The following OR9Q1 variants were observed in gnomAD, a reference collection of about 807,000 sequenced individuals.
OR9Q1 encodes olfactory receptor 9Q1.
For missense variants in OR9Q1, 374 were observed against 378.8 expected (o/e 0.99, Z 0.11); for synonymous variants, 153 against 148.6 (o/e 1.03, Z -0.22).
intron 1 of OR9Q1, among the ~76,000 whole-genome samples, chr11:58,048,662 T>G (rs1853244712): frequency 9.9e-6 from 1 of 100,678 alleles, no homozygotes; most frequent in South Asian, 4.2e-4. Flanking sequence ...GAGCAAGGAC[T>G]CCATCTTAAA....
chr11:58,056,607 A>G (rs954870057), intron 2 of OR9Q1, among the ~76,000 whole-genome samples: 2 of 152,218 alleles, frequency 1.3e-5, no homozygotes, highest in Non-Finnish European at 2.9e-5. Context: ...TGGATTTTCT[A>G]TGGCTGCATT....
At chr11:58,107,340 G>T (rs1427573973) in intron 2 of OR9Q1, among the ~76,000 whole-genome samples, 1 of 152,042 alleles carries the variant, frequency 6.6e-6, no homozygotes, top group Non-Finnish European at 1.5e-5. Flanking sequence ...TCAATTCCCA[G>T]TATGAGTGAG....
intron 1 of OR9Q1, 68 bp from the exon 2 acceptor site, chr11:58,055,800 TAA>T (rs56345647): frequency 6.2e-5 from 7 of 112,874 alleles, no homozygotes; most frequent in Admixed American, 1.0e-4. Flanking sequence ...ACTCTATCTC[TAA>T]AAAAAAAAAA....
chr11:58,031,701 C>A (rs756189270), intron 1 of OR9Q1: 1 of 1,613,758 alleles, frequency 6.2e-7, no homozygotes, highest in Non-Finnish European at 8.5e-7. Context: ...GCTCACCTGA[C>A]TGTGGTGAGC....
chr11:58,057,548 A>G (rs766877146), intron 2 of OR9Q1: 8 of 152,164 alleles, frequency 5.3e-5, no homozygotes, highest in South Asian at 2.1e-4. Context: ...TGAGCAGCCC[A>G]TGAAGAATGG....
In OR9Q1 at chr11:58,179,391, T is replaced by A; in HGVS notation, c.-14-40T>A. ...AACTACAAATACAGGTAAATCCTAT[T>A]TGCACCTTCCTAACTTGCTTCCCAT... On this transcript the variant is annotated intron_variant, in intron 2 of 2. Coordinates refer to ENST00000335397, the MANE Select transcript of OR9Q1 (RefSeq NM_001005212.4). The A allele has an allele frequency of 4.9e-6, 6 of 1,222,314 alleles. No homozygotes were observed. In the South Asian group the frequency reaches 8.7e-5, roughly 18 times the overall value. The allele number at this position is 1,222,314 out of a possible 1,614,324, so 75.7% of individuals were successfully genotyped here. A position where few individuals can be genotyped will look rare whatever the true frequency, so the allele number is the denominator to read the frequency against.
chr11:58,150,422 C>T (rs559296854), intron 2 of OR9Q1, among the ~76,000 whole-genome samples: 1 of 152,246 alleles, frequency 6.6e-6, no homozygotes, highest in Admixed American at 6.5e-5. Context: ...ATGATGAGAC[C>T]TTGCCTCTAC....
At chr11:58,116,528 G>T (rs1291787463) in intron 2 of OR9Q1, among the ~76,000 whole-genome samples, 1 of 152,154 alleles carries the variant, frequency 6.6e-6, no homozygotes, top group Admixed American at 6.5e-5. Context: ...CTAACTTAGT[G>T]AACTTATTAT....
At chr11:58,034,830 C>A (rs1449803998) in intron 1 of OR9Q1, among the ~76,000 whole-genome samples, 1 of 143,980 alleles carries the variant, frequency 6.9e-6, no homozygotes, top group East Asian at 2.0e-4. Context: ...TCCTTGCTTC[C>A]TTCCTTCATT....
intron 2 of OR9Q1, among the ~76,000 whole-genome samples, chr11:58,123,413 G>T (rs996953569): frequency 1.3e-5 from 2 of 152,066 alleles, no homozygotes; most frequent in Admixed American, 6.6e-5. Context: ...AATTCCTGGG[G>T]GTCTCTCTGA....
At chr11:58,109,072 A>G (rs1344299028) in intron 2 of OR9Q1, 1 of 474,372 alleles carries the variant, frequency 2.1e-6, no homozygotes, top group Non-Finnish European at 4.3e-6. Flanking sequence ...GAGAATGACA[A>G]TCTCAGTTTG....
intron 1 of OR9Q1, among the ~76,000 whole-genome samples, chr11:58,034,370 A>G (rs1298339144): frequency 6.6e-6 from 1 of 151,852 alleles, no homozygotes; most frequent in Non-Finnish European, 1.5e-5. Context: ...TACAGGCTTG[A>G]GCCACTGCAC....
At chr11:58,153,253 TC>T (rs1184979162) in intron 2 of OR9Q1, among the ~76,000 whole-genome samples, 1 of 152,218 alleles carries the variant, frequency 6.6e-6, no homozygotes, top group Non-Finnish European at 1.5e-5. Flanking sequence ...TGAAGAAATC[TC>T]TTCTTTTGTT....
At chr11:58,040,487 G>A (rs904560155) in intron 1 of OR9Q1, among the ~76,000 whole-genome samples, 8 of 152,200 alleles carry the variant, frequency 5.3e-5, no homozygotes, top group Admixed American at 4.6e-4. Flanking sequence ...TTTTGCATAA[G>A]TTGATTCATT....
chr11:58,144,078 A>G (rs937257591), intron 2 of OR9Q1, among the ~76,000 whole-genome samples: 3 of 151,876 alleles, frequency 2.0e-5, no homozygotes, highest in Non-Finnish European at 4.4e-5. Context: ...TGCACAATGT[A>G]CAGGTTTGTT....
At chr11:58,030,097 C>T (rs1853016054) in intron 1 of OR9Q1, among the ~76,000 whole-genome samples, 1 of 152,184 alleles carries the variant, frequency 6.6e-6, no homozygotes, top group Non-Finnish European at 1.5e-5. Context: ...CTGCCTTAGA[C>T]TCCCAAAGTG....
intron 1 of OR9Q1, among the ~76,000 whole-genome samples, chr11:58,046,688 C>A (rs1272835881): frequency 6.6e-6 from 1 of 151,950 alleles, no homozygotes; most frequent in Non-Finnish European, 1.5e-5. Flanking sequence ...ATGGTGAAAC[C>A]CCGTCTCTAC....
intron 2 of OR9Q1, among the ~76,000 whole-genome samples, chr11:58,067,808 C>T (rs1853443943): frequency 6.6e-6 from 1 of 152,208 alleles, no homozygotes; most frequent in African/African-American, 2.4e-5. Context: ...CTCGAGTCTC[C>T]TGGATCCTGC....
intron 2 of OR9Q1, among the ~76,000 whole-genome samples, chr11:58,159,601 G>A (rs61902804): frequency 6.6e-6 from 1 of 152,024 alleles, no homozygotes; most frequent in Non-Finnish European, 1.5e-5. Flanking sequence ...AAGGACATTG[G>A]CAGCACAGGG....
Sources: gnomAD v4.1 joint callset for allele counts (sites outside exome capture counted in the v4.1 genomes callset) on GRCh38, gnomAD v4.1.1 for gene constraint, MANE v1.5 for transcripts, NCBI Gene and HGNC (gene_info 2026-07-23, HGNC 2026-07-21) for gene names.